Variants in XKR4 observed in about 807,000 individuals in gnomAD.
XKR4 encodes the protein XK-related protein 4.
XKR4 carries 12 observed loss-of-function variants against 53.9 expected under a neutral mutation model. The ratio of observed to expected loss-of-function variants is 0.22; its 90% CI spans 0.14 to 0.36. The LOEUF (loss-of-function observed/expected upper bound fraction) is 0.36, where lower values mean the gene tolerates loss of function less well. XKR4 is among the 10% of genes least tolerant of loss of function. XKR4 has a pLI of 1.00. For missense variants in XKR4, 799 were observed against 859.5 expected (o/e 0.93, Z 0.88); for synonymous variants, 354 against 362.4 (o/e 0.98, Z 0.26).
chr8:55,121,833 TACACAC>T (rs35625262), intron 1 of XKR4, among the ~76,000 whole-genome samples: 127 of 148,168 alleles, frequency 8.6e-4, no homozygotes, highest in South Asian at 1.1e-3. Context: ...AATACAACAT[TACACAC>T]ACACACACAC....
intron 1 of XKR4, among the ~76,000 whole-genome samples, chr8:55,316,893 G>A (rs1270002508): frequency 2.0e-5 from 3 of 152,168 alleles, no homozygotes; most frequent in African/African-American, 7.2e-5. Flanking sequence ...AATATTAAAT[G>A]CAGATTGAAG....
intron 1 of XKR4, among the ~76,000 whole-genome samples, chr8:55,302,990 C>T (rs914446440): frequency 3.9e-5 from 6 of 152,284 alleles, no homozygotes; most frequent in African/African-American, 1.4e-4. Flanking sequence ...CCCTTTATTT[C>T]CTTCTCCTGC....
intron 1 of XKR4, among the ~76,000 whole-genome samples, chr8:55,272,709 G>A (rs1818709232): frequency 6.6e-6 from 1 of 152,204 alleles, no homozygotes; most frequent in Admixed American, 6.5e-5. Context: ...CACAGCAAGT[G>A]TGACTTTCTA....
At chr8:55,475,302 A>G (rs1444810859) in intron 2 of XKR4, among the ~76,000 whole-genome samples, 3 of 152,152 alleles carry the variant, frequency 2.0e-5, no homozygotes, top group African/African-American at 4.8e-5. Context: ...GAGCCAAATT[A>G]CACAACATAC....
chr8:55,199,095 T>TAG (rs1424588717), intron 1 of XKR4, among the ~76,000 whole-genome samples: 1 of 152,202 alleles, frequency 6.6e-6, no homozygotes, highest in Non-Finnish European at 1.5e-5. Flanking sequence ...CAGTTTGTAT[T>TAG]TAGGAAGTTC....
At chr8:55,198,344 C>T (rs773525190) in intron 1 of XKR4, among the ~76,000 whole-genome samples, 2 of 152,002 alleles carry the variant, frequency 1.3e-5, no homozygotes, top group Non-Finnish European at 2.9e-5. Flanking sequence ...ATGTCAATAG[C>T]CTTTTTTATG....
At chr8:55,139,105 T>A (rs1030571925) in intron 1 of XKR4, among the ~76,000 whole-genome samples, 2 of 152,208 alleles carry the variant, frequency 1.3e-5, no homozygotes, top group African/African-American at 4.8e-5. Context: ...AAACTCAAAT[T>A]TGAATTCTCC....
intron 2 of XKR4, among the ~76,000 whole-genome samples, chr8:55,505,519 C>T (rs979448808): frequency 3.9e-5 from 6 of 152,144 alleles, no homozygotes; most frequent in African/African-American, 1.4e-4. Context: ...CCATGATACT[C>T]CTGCCTGGGC....
chr8:55,448,835 A>G (rs1805381157), intron 2 of XKR4, among the ~76,000 whole-genome samples: 1 of 152,232 alleles, frequency 6.6e-6, no homozygotes, highest in South Asian at 2.1e-4. Context: ...AACCATGGTG[A>G]ACCAGTCAAG....
intron 2 of XKR4, among the ~76,000 whole-genome samples, chr8:55,395,223 T>C (rs779547122): frequency 6.6e-6 from 1 of 152,052 alleles, no homozygotes; most frequent in Non-Finnish European, 1.5e-5. Context: ...CCTCAAATAA[T>C]TGTGACAAGC....
At chr8:55,291,381 T>A (rs1374787063) in intron 1 of XKR4, among the ~76,000 whole-genome samples, 1 of 152,220 alleles carries the variant, frequency 6.6e-6, no homozygotes, top group Non-Finnish European at 1.5e-5. Context: ...TAGAACAATC[T>A]TGTCTATGTC....
intron 1 of XKR4, among the ~76,000 whole-genome samples, chr8:55,352,921 A>G (rs1803746404): frequency 6.6e-6 from 1 of 152,230 alleles, no homozygotes. Context: ...ATTTAGCTTA[A>G]TGGATGGACA....
intron 1 of XKR4, among the ~76,000 whole-genome samples, chr8:55,230,737 G>A (rs1818024809): frequency 6.6e-6 from 1 of 152,132 alleles, no homozygotes; most frequent in Non-Finnish European, 1.5e-5. Flanking sequence ...GGAAATAATA[G>A]AATAATAATA....
intron 1 of XKR4, among the ~76,000 whole-genome samples, chr8:55,338,247 C>T (rs75678607): frequency 0.061 from 9,271 of 152,262 alleles, 426 homozygotes; most frequent in Non-Finnish European, 0.095. Flanking sequence ...CTAGATCCCC[C>T]TCCCACACAA....
At chr8:55,268,637 A>G (rs2129372172) in intron 1 of XKR4, among the ~76,000 whole-genome samples, 1 of 152,338 alleles carries the variant, frequency 6.6e-6, no homozygotes, top group East Asian at 1.9e-4. Context: ...AGTTAGGAAG[A>G]CAATTAATAA....
At chr8:55,490,918 A>T (rs1319083231) in intron 2 of XKR4, among the ~76,000 whole-genome samples, 1 of 130,224 alleles carries the variant, frequency 7.7e-6, no homozygotes, top group Admixed American at 7.7e-5. Context: ...TATTTCTTCC[A>T]ATATTTTTTC....
intron 1 of XKR4, among the ~76,000 whole-genome samples, chr8:55,125,184 A>C (rs1816446756): frequency 6.6e-6 from 1 of 152,194 alleles, no homozygotes; most frequent in East Asian, 1.9e-4. Flanking sequence ...AGATCGTAAG[A>C]AGTTCTATTT....
chr8:55,332,141 A>G lies in XKR4; in HGVS notation c.807-25537A>G, dbSNP rs559902986. On this transcript the variant is annotated intron_variant, in intron 1 of 2. Coordinates refer to ENST00000327381, the MANE Select transcript of XKR4 (RefSeq NM_052898.2). ...TCTTTTTTTGGTTACCATAGGGATT[A>G]CATATAACATCCTAAAGTTATAACA... Among the ~76,000 whole-genome samples the G allele has an allele frequency of 2.6e-5, 4 of 152,148 alleles. 1 individual carries two copies. The highest frequency in any genetic ancestry group is 9.6e-5 in the African/African-American group (4 of 41,548).
At chr8:55,437,211 T>A (rs536969274) in intron 2 of XKR4, among the ~76,000 whole-genome samples, 2 of 152,308 alleles carry the variant, frequency 1.3e-5, no homozygotes, top group Admixed American at 1.3e-4. Context: ...TTATTCTTTT[T>A]AATTTATTTT....
Sources: gnomAD v4.1 joint callset for allele counts (sites outside exome capture counted in the v4.1 genomes callset) on GRCh38, gnomAD v4.1.1 for gene constraint, MANE v1.5 for transcripts, NCBI Gene and HGNC (gene_info 2026-07-23, HGNC 2026-07-21) for gene names.